RHOU: variants seen among roughly 807,000 people sequenced by gnomAD.
RHOU encodes ras homolog family member U, also known as rho-related GTP-binding protein RhoU.
RHOU carries 8 observed loss-of-function variants against 12.6 expected under a neutral mutation model. The observed-to-expected ratio is 0.64, with a 90% CI of 0.37 to 1.15. The LOEUF (loss-of-function observed/expected upper bound fraction) is 1.15, where lower values mean the gene tolerates loss of function less well. Among genes scored for constraint, RHOU ranks in the 50% most tolerant of loss-of-function variants. RHOU has a pLI of 0.01. For missense variants in RHOU, 258 were observed against 347.0 expected, an observed-to-expected ratio of 0.74 and a Z score of 2.04; for synonymous variants, 161 against 147.4, an observed-to-expected ratio of 1.09 and a Z score of -0.67.
At position 228,735,937 on chromosome 1, in the gene RHOU, G is replaced by A; in HGVS notation, c.195G>A (p.Leu65=). The A allele has an allele frequency of 1.9e-6, 3 of 1,576,360 alleles. No individual in the cohort carries two copies. The highest frequency in any genetic ancestry group is 2.6e-6 in the Non-Finnish European group (3 of 1,164,736). ...ACGGCGCGGTGGGCAAGACGAGCCT[G>A]GTGGTGAGCTACACCACCAACGGCT... The part of the protein sequence containing the change: ...VGDGAVGKTS[L]VVSYTTNGYP... Residue 65 remains leucine, a synonymous_variant, in exon 1 of 3, where the codon CTG becomes CTA. Coordinates refer to ENST00000366691, the MANE Select transcript of RHOU (RefSeq NM_021205.6). The surrounding 1 kb of genome is among the most constrained non-coding windows in gnomAD (Gnocchi z 8.1).
upstream of RHOU, among the ~76,000 whole-genome samples, chr1:228,734,460 T>C (rs1330097472): frequency 6.6e-6 from 1 of 152,228 alleles, no homozygotes; most frequent in East Asian, 1.9e-4. Flanking sequence ...CTTACTAGCT[T>C]GTGGAATCCC....
Position 228,743,007 on chromosome 1 carries a change from G to A in RHOU, c.322-278G>A, listed in dbSNP as rs2102719183. ...ACTTTGAGCACTTTTTCTATGTTAA[G>A]CTGTAAGTAGGTCTTGAGTGTCGAT... On this transcript the variant is annotated intron_variant, in intron 2 of 2. Transcript: ENST00000366691. This position sits in a 1 kb window ranked among gnomAD's most constrained non-coding sequence, Gnocchi z 5.1. 6.6e-6 allele frequency among the ~76,000 whole-genome samples: 1 copy of A among 152,168 alleles called. No homozygotes were observed. The highest frequency in any genetic ancestry group is 1.9e-4 in the East Asian group (1 of 5,192).
the RHOU span, among the ~76,000 whole-genome samples, chr1:228,712,360 T>C: frequency 0.31 from 44,892 of 144,892 alleles, 6,735 homozygotes; most frequent in African/African-American, 0.4. Flanking sequence ...CACATGCACA[T>C]GTATGTTTAT....
chr1:228,686,466 A>G, the RHOU span, among the ~76,000 whole-genome samples: 1 of 152,184 alleles, frequency 6.6e-6, no homozygotes, highest in East Asian at 1.9e-4. Flanking sequence ...ATAATTACAT[A>G]TTTGCAGTTT....
At chr1:228,659,249 G>A in the RHOU span, among the ~76,000 whole-genome samples, 1 of 151,868 alleles carries the variant, frequency 6.6e-6, no homozygotes, top group Non-Finnish European at 1.5e-5. Flanking sequence ...ATGGTGGCAG[G>A]TGCCTGTAAT....
chr1:228,686,102 G>A, the RHOU span, among the ~76,000 whole-genome samples: 1 of 152,060 alleles, frequency 6.6e-6, no homozygotes. Context: ...CTTGCTTATA[G>A]GGTTGTGTTA....
the RHOU span, among the ~76,000 whole-genome samples, chr1:228,671,125 C>G: frequency 1.3e-5 from 2 of 152,142 alleles, no homozygotes; most frequent in Non-Finnish European, 2.9e-5. Flanking sequence ...CTTCCTCAGC[C>G]TCCTGAGTAG....
the RHOU span, among the ~76,000 whole-genome samples, chr1:228,661,554 A>G: frequency 6.6e-6 from 1 of 152,198 alleles, no homozygotes; most frequent in Admixed American, 6.5e-5. Flanking sequence ...TCTTTGACAA[A>G]CCTGGCAAAA....
Position 228,744,056 on chromosome 1 carries a change from A to G in RHOU, c.*316A>G, listed in dbSNP as rs1237017541. The G allele has an allele frequency of 3.7e-6, 1 of 272,678 alleles. No homozygotes were observed. Among genetic ancestry groups the G allele is most frequent in the East Asian group, 9.1e-5 (1 of 11,008 alleles). 16.9% of individuals were successfully genotyped at this position (272,678 alleles called of 1,614,324 possible). A position where few individuals can be genotyped will look rare whatever the true frequency, so the allele number is the denominator to read the frequency against. ...GACACCTCTAATCTGGATGTTAAGA[A>G]TGAAGTTCTGCTACATTATAATGTA... On this transcript the variant is annotated 3_prime_UTR_variant, in exon 3 of 3. Coordinates refer to ENST00000366691, the MANE Select transcript of RHOU (RefSeq NM_021205.6).
chr1:228,723,613 G>A, the RHOU span, among the ~76,000 whole-genome samples: 2 of 152,328 alleles, frequency 1.3e-5, no homozygotes, highest in Non-Finnish European at 1.5e-5. Flanking sequence ...CATATCAAAG[G>A]TTGCCGTCAG....
the RHOU span, among the ~76,000 whole-genome samples, chr1:228,729,882 C>T: frequency 8.5e-5 from 13 of 152,296 alleles, no homozygotes; most frequent in East Asian, 2.5e-3. Context: ...GATAAAAGGA[C>T]TTCTGGAGGC....
rs1463030641 is a variant in RHOU, at chr1:228,738,592, GT to G, written c.321+864del. Among the ~76,000 whole-genome samples, 1 of 152,192 alleles carries G rather than the reference GT, an allele frequency of 6.6e-6. No individual in the cohort carries two copies. The highest frequency in any genetic ancestry group is 1.5e-5 in the Non-Finnish European group (1 of 68,040). ...GAGGTGCCATCACATGACTATCTGT[GT>G]TTATGAAGGCACTGGCTTTCCACTG... On this transcript the variant is annotated intron_variant, in intron 2 of 2. Coordinates refer to ENST00000366691, the MANE Select transcript of RHOU (RefSeq NM_021205.6). The surrounding 1 kb of genome is among the most constrained non-coding windows in gnomAD (Gnocchi z 4.2).
chr1:228,721,696 G>C, the RHOU span, among the ~76,000 whole-genome samples: 8 of 152,182 alleles, frequency 5.3e-5, no homozygotes, highest in African/African-American at 1.9e-4. Flanking sequence ...GTTTCGCTCT[G>C]GTTGCCCAAG....
chr1:228,686,630 T>C, the RHOU span, among the ~76,000 whole-genome samples: 1 of 152,196 alleles, frequency 6.6e-6, no homozygotes, highest in African/African-American at 2.4e-5. Flanking sequence ...CTCATTGCGG[T>C]TTTTGCTATG....
the RHOU span, among the ~76,000 whole-genome samples, chr1:228,680,580 C>T: frequency 3.3e-5 from 5 of 152,220 alleles, no homozygotes; most frequent in African/African-American, 9.6e-5. Context: ...ACCTTGAAGG[C>T]GAGGTTGATT....
the RHOU span, among the ~76,000 whole-genome samples, chr1:228,707,126 A>ATATATATATG: frequency 2.7e-3 from 201 of 75,384 alleles, 3 homozygotes; most frequent in African/African-American, 0.027. Context: ...ATATATATAT[A>ATATATATATG]CATATATATA....
At chr1:228,685,886 C>T in the RHOU span, among the ~76,000 whole-genome samples, 2 of 152,068 alleles carry the variant, frequency 1.3e-5, no homozygotes, top group African/African-American at 4.8e-5. Context: ...CTTAATTATC[C>T]CCAGAGCTAT....
chr1:228,678,631 G>C, the RHOU span, among the ~76,000 whole-genome samples: 2 of 152,172 alleles, frequency 1.3e-5, no homozygotes, highest in Non-Finnish European at 2.9e-5. Flanking sequence ...AAACAGCATG[G>C]TGGTGTAGGA....
the RHOU span, among the ~76,000 whole-genome samples, chr1:228,728,061 A>G: frequency 6.6e-6 from 1 of 152,208 alleles, no homozygotes; most frequent in African/African-American, 2.4e-5. Context: ...TGGGATTGCT[A>G]TAGCAGCTCC....
Sources: gnomAD v4.1 joint callset for allele counts (sites outside exome capture counted in the v4.1 genomes callset) on GRCh38, gnomAD v4.1.1 for gene constraint, Gnocchi (gnomAD v3.1) non-coding constraint, MANE v1.5 for transcripts, NCBI Gene and HGNC (gene_info 2026-07-23, HGNC 2026-07-21) for gene names.